GLB1L3: variants seen among roughly 807,000 people sequenced by gnomAD.
GLB1L3 encodes the protein beta-galactosidase-1-like protein 3.
Under a neutral mutation model 89.5 loss-of-function variants are expected in GLB1L3, and 89 were observed. The ratio of observed to expected loss-of-function variants is 0.99; its 90% CI spans 0.84 to 1.19. The LOEUF (loss-of-function observed/expected upper bound fraction) is 1.19, where lower values mean the gene tolerates loss of function less well. GLB1L3 is among the 50% of genes most tolerant of loss of function. The probability of loss-of-function intolerance (pLI) is 0.00; values close to 1 mark genes in which losing one functional copy is unlikely to be tolerated. For missense variants in GLB1L3, 812 were observed against 813.3 expected, an observed-to-expected ratio of 1.00 and a Z score of 0.02; for synonymous variants, 314 against 312.3, an observed-to-expected ratio of 1.01 and a Z score of -0.06.
intron 16 of GLB1L3, 83 bp downstream of exon 16, chr11:134,313,557 G>T: frequency 1.8e-6 from 2 of 1,110,664 alleles, no homozygotes; most frequent in Non-Finnish European, 1.3e-6. Flanking sequence ...GGGAGAGGGT[G>T]GGGAAACCAG....
chr11:134,319,596 G>A (rs1376561782), downstream of GLB1L3: 1 of 151,874 alleles, frequency 6.6e-6, no homozygotes, highest in Non-Finnish European at 1.5e-5. Flanking sequence ...TGAAGGGAAG[G>A]GAAAGGTCTG....
rs1565411164 is a variant in GLB1L3, at chr11:134,307,162, CTGGT to C, written c.917_920del (p.Trp306SerfsTer44). 6.2e-7 allele frequency: 1 copy of C among 1,613,668 alleles called. No homozygotes were observed. The highest frequency in any genetic ancestry group is 8.5e-7 in the Non-Finnish European group (1 of 1,179,750). ...TTCTGATTATGGAATACTGGGTCGG[CTGGT>C]TCGACAGATGGGGAGATAAGCACCA... is the stretch of plus-strand genomic sequence containing the variant. On this transcript the variant is annotated frameshift_variant, in exon 10 of 20. Transcript: ENST00000431683. LOFTEE classifies it high-confidence loss of function.
At chr11:134,310,549 G>T in intron 11 of GLB1L3, 22 bp from the exon 12 acceptor site, 1 of 1,597,584 alleles carries the variant, frequency 6.3e-7, no homozygotes, top group South Asian at 1.1e-5. Flanking sequence ...CATGGCTGGT[G>T]ACTGGCCCTG....
chr11:134,302,440 A>AT (rs1345909206), intron 9 of GLB1L3, among the ~76,000 whole-genome samples: 3 of 152,194 alleles, frequency 2.0e-5, no homozygotes, highest in African/African-American at 7.2e-5. Context: ...TGATAACAAC[A>AT]TTCACAATTT....
chr11:134,290,996 C>T (rs2136142108), intron 7 of GLB1L3, among the ~76,000 whole-genome samples: 1 of 152,224 alleles, frequency 6.6e-6, no homozygotes, highest in East Asian at 1.9e-4. Context: ...TAGGGTCATT[C>T]CCCACAAAAG....
rs1278203513 is a variant in GLB1L3 at position 134,290,589 on chromosome 11, GAAAAGAAAAA to G, written c.730-1532_730-1523del. On this transcript the variant is annotated intron_variant, in intron 7 of 19. Transcript: ENST00000431683. ...CTCGTCCCCCCCCGCCAAAAAAAAA[GAAAAGAAAAA>G]AAAAGAAAAAGAAAAAAAAACCATT... Among the ~76,000 whole-genome samples, 15 of 104,002 alleles carry G rather than the reference GAAAAGAAAAA, an allele frequency of 1.4e-4. 1 individual carries two copies. Among genetic ancestry groups the G allele is most frequent in the East Asian group, 4.7e-4 (2 of 4,220 alleles). The allele number at this position is 104,002 out of a possible 152,430, so 68.2% of individuals were successfully genotyped here.
intron 18 of GLB1L3, chr11:134,316,870 C>G (rs1371371069): frequency 6.6e-6 from 1 of 152,238 alleles, no homozygotes; most frequent in Non-Finnish European, 1.5e-5. Context: ...ATGACAACTT[C>G]CATGTTTTGG....
At chr11:134,277,305 T>C in intron 1 of GLB1L3, 21 bp from the exon 2 acceptor site, 1 of 1,613,784 alleles carries the variant, frequency 6.2e-7, no homozygotes, top group Non-Finnish European at 8.5e-7. Context: ...CCCTTGTCAC[T>C]GTTGTCCTTT....
chr11:134,276,856 G>T (rs1248410554), intron 1 of GLB1L3, 93 bp downstream of exon 1: 2 of 1,138,014 alleles, frequency 1.8e-6, no homozygotes, highest in Non-Finnish European at 2.2e-6. Flanking sequence ...CCGGCCACGC[G>T]CCCCAGGCAC....
At chr11:134,308,416 CCA>C (rs1942439589) in intron 10 of GLB1L3, among the ~76,000 whole-genome samples, 2 of 98,382 alleles carry the variant, frequency 2.0e-5, no homozygotes, top group Non-Finnish European at 4.0e-5. Flanking sequence ...ACCACCACCA[CCA>C]TCATCACCAT....
At position 134,301,788 on chromosome 11, in the gene GLB1L3, A is replaced by G. The variant is rs187684425; in HGVS notation, c.877-5336A>G. On this transcript the variant is annotated intron_variant, in intron 9 of 19. Coordinates refer to ENST00000431683, the MANE Select transcript of GLB1L3 (RefSeq NM_001080407.3). ...GAGTTTTATATTTGGTATATTTGAT[A>G]TACTGTAATTCAGACTAGTGTGAGT... is the stretch of plus-strand genomic sequence containing the variant. 7.9e-4 allele frequency among the ~76,000 whole-genome samples: 121 copies of G among 152,300 alleles called. 1 individual carries two copies. Among genetic ancestry groups the G allele is most frequent in the African/African-American group, 2.5e-3 (102 of 41,556 alleles).
intron 6 of GLB1L3, among the ~76,000 whole-genome samples, chr11:134,286,371 C>T (rs913314605): frequency 1.3e-5 from 2 of 152,192 alleles, no homozygotes; most frequent in Admixed American, 6.5e-5. Flanking sequence ...ACTCTGGCTC[C>T]GTTAGGTGGA....
chr11:134,301,791 C>T (rs972176750), intron 9 of GLB1L3, among the ~76,000 whole-genome samples: 6 of 152,060 alleles, frequency 3.9e-5, no homozygotes, highest in African/African-American at 1.4e-4. Context: ...ATTTGATATA[C>T]TGTAATTCAG....
intron 9 of GLB1L3, among the ~76,000 whole-genome samples, chr11:134,298,516 C>T (rs377626639): frequency 1.3e-5 from 2 of 152,134 alleles, no homozygotes; most frequent in African/African-American, 4.8e-5. Flanking sequence ...TGAATTGTGT[C>T]TCCTAGAATT....
chr11:134,296,306 T>C (rs1941636374), intron 9 of GLB1L3, among the ~76,000 whole-genome samples: 3 of 137,814 alleles, frequency 2.2e-5, no homozygotes, highest in Non-Finnish European at 3.1e-5. Flanking sequence ...GATCTAGAAC[T>C]AGAAATACCA....
the GLB1L3 span, among the ~76,000 whole-genome samples, chr11:134,324,667 G>A: frequency 2.0e-5 from 3 of 151,996 alleles, no homozygotes; most frequent in African/African-American, 7.2e-5. Context: ...TTGGAGATTT[G>A]CCTTCTCATG....
intron 6 of GLB1L3, chr11:134,287,055 G>A (rs1198115750): frequency 6.6e-6 from 1 of 151,584 alleles, no homozygotes; most frequent in Non-Finnish European, 1.5e-5. Flanking sequence ...CAGCTACTCG[G>A]GAGGCTGACG....
chr11:134,286,641 G>A (rs1044871535), intron 6 of GLB1L3, among the ~76,000 whole-genome samples: 2 of 151,522 alleles, frequency 1.3e-5, no homozygotes, highest in African/African-American at 4.9e-5. Flanking sequence ...GCCGGGCGTG[G>A]TGGCGGGCGC....
At chr11:134,305,120 CA>C (rs1173613117) in intron 9 of GLB1L3, 22 of 1,547,404 alleles carry the variant, frequency 1.4e-5, no homozygotes, top group Non-Finnish European at 1.8e-5. Context: ...CCCAGGGAGC[CA>C]GTATAGATGC....
Sources: gnomAD v4.1 joint callset for allele counts (sites outside exome capture counted in the v4.1 genomes callset) on GRCh38, gnomAD v4.1.1 for gene constraint, MANE v1.5 for transcripts, NCBI Gene and HGNC (gene_info 2026-07-23, HGNC 2026-07-21) for gene names.